Variants in STIM2 observed in about 807,000 individuals in gnomAD.
STIM2 encodes stromal interaction molecule 2.
In STIM2, 31 loss-of-function variants were observed where a neutral mutation model predicts 85.8. The observed-to-expected ratio is 0.36, with a 90% confidence interval of 0.27 to 0.49. The LOEUF (loss-of-function observed/expected upper bound fraction) is 0.49. Ranked by LOEUF, STIM2 falls within the 20% of genes least tolerant of loss-of-function variation. STIM2 has a pLI of 0.98. For synonymous variants in STIM2, 356 were observed against 331.1 expected (o/e 1.08, Z -0.82); for missense variants, 841 against 927.6 (o/e 0.91, Z 1.21).
intron 5 of STIM2, among the ~76,000 whole-genome samples, chr4:27,000,537 C>T (rs1021825443): frequency 6.6e-6 from 1 of 152,116 alleles, no homozygotes; most frequent in Non-Finnish European, 1.5e-5. Context: ...GAATTTGTTT[C>T]TATTTACAAC....
At chr4:26,862,518 G>A (rs1722256592) in intron 1 of STIM2, among the ~76,000 whole-genome samples, 3 of 152,128 alleles carry the variant, frequency 2.0e-5, no homozygotes, top group East Asian at 1.9e-4. Context: ...TTAAAGCCAA[G>A]CAGTTTCTCT....
chr4:26,919,408 A>G, intron 1 of STIM2, 96 bp from the exon 2 acceptor site: 1 of 1,518,408 alleles, frequency 6.6e-7, no homozygotes, highest in Non-Finnish European at 8.9e-7. Flanking sequence ...CTTAGTCTGA[A>G]GTTTAATTCT....
At chr4:26,870,740 G>C (rs28489605) in intron 1 of STIM2, among the ~76,000 whole-genome samples, 9,894 of 152,116 alleles carry the variant, frequency 0.065, 906 homozygotes, top group African/African-American at 0.21. Flanking sequence ...ATTCACCCTA[G>C]CTTGTAGTCT....
chr4:26,892,633 G>T (rs1723538140), intron 1 of STIM2, among the ~76,000 whole-genome samples: 1 of 152,186 alleles, frequency 6.6e-6, no homozygotes, highest in Non-Finnish European at 1.5e-5. Flanking sequence ...TAGAGTAATT[G>T]CAGTTTCTTG....
At chr4:26,916,533 G>A (rs1158538351) in intron 1 of STIM2, among the ~76,000 whole-genome samples, 4 of 152,154 alleles carry the variant, frequency 2.6e-5, no homozygotes, top group Admixed American at 6.5e-5. Context: ...GATTTTAAAT[G>A]AATCTGATTG....
At chr4:26,887,799 T>G (rs1369388591) in intron 1 of STIM2, among the ~76,000 whole-genome samples, 1 of 152,150 alleles carries the variant, frequency 6.6e-6, no homozygotes, top group African/African-American at 2.4e-5. Flanking sequence ...AAGATGTAAC[T>G]TAAAATAATT....
At chr4:26,896,155 G>C (rs1366230916) in intron 1 of STIM2, among the ~76,000 whole-genome samples, 2 of 152,202 alleles carry the variant, frequency 1.3e-5, no homozygotes, top group Admixed American at 6.5e-5. Context: ...ATAGCCTGTT[G>C]TTGCCTGATA....
chr4:26,888,712 TG>T (rs1279810545), intron 1 of STIM2, among the ~76,000 whole-genome samples: 1 of 152,196 alleles, frequency 6.6e-6, no homozygotes, highest in Non-Finnish European at 1.5e-5. Context: ...GTCCTTAAAT[TG>T]GGTTATTGTA....
rs1457581483 is a variant in STIM2, at chr4:26,919,640, T to C, written c.282+6T>C. The C allele has an allele frequency of 3.1e-6, 5 of 1,613,080 alleles. No homozygotes were observed. The highest frequency in any genetic ancestry group is 3.4e-6 in the Non-Finnish European group (4 of 1,179,486). On this transcript the variant is annotated splice_donor_region_variant and intron_variant, in intron 2 of 11. Transcript: ENST00000467087. Reference sequence around the variant, plus strand: ...AAGTAGAGGAAAGTGATGAAGTAGGTGGAAAAATGTTTTCCTTGCTATTGT... The same window carrying C: ...AAGTAGAGGAAAGTGATGAAGTAGGCGGAAAAATGTTTTCCTTGCTATTGT...
chr4:26,990,370 T>C (rs1312104721), intron 3 of STIM2, among the ~76,000 whole-genome samples: 2 of 152,132 alleles, frequency 1.3e-5, no homozygotes, highest in Admixed American at 6.5e-5. Context: ...ATGGTCTGTT[T>C]AATAAATGGT....
At chr4:27,021,022 G>A (rs758886471) in intron 11 of STIM2, 88 of 1,535,258 alleles carry the variant, frequency 5.7e-5, no homozygotes, top group Middle Eastern at 3.3e-4. Context: ...GGCTCGGTGC[G>A]TGCAAAAGTG....
chr4:26,884,095 T>C (rs959681007), intron 1 of STIM2, among the ~76,000 whole-genome samples: 1 of 152,216 alleles, frequency 6.6e-6, no homozygotes, highest in African/African-American at 2.4e-5. Flanking sequence ...AAGAAGGTGC[T>C]CACTGTAGAA....
intron 2 of STIM2, among the ~76,000 whole-genome samples, chr4:26,934,913 C>CAAAAAAAAAAAAAAAAAAAAAAAAAAA (rs1160656482): frequency 3.5e-5 from 2 of 57,606 alleles, no homozygotes; most frequent in Non-Finnish European, 7.0e-5. Flanking sequence ...AACTCCATCT[C>CAAAAAAAAAAAAAAAAAAAAAAAAAAA]AAAAAAAAAA....
intron 2 of STIM2, among the ~76,000 whole-genome samples, chr4:26,946,253 T>G (rs1351240744): frequency 6.6e-6 from 1 of 152,228 alleles, no homozygotes; most frequent in African/African-American, 2.4e-5. Context: ...AACTCAATTC[T>G]GACCTTTCAC....
intron 2 of STIM2, among the ~76,000 whole-genome samples, chr4:26,957,383 AG>A (rs1174483392): frequency 1.3e-5 from 2 of 152,130 alleles, no homozygotes; most frequent in Non-Finnish European, 2.9e-5. Flanking sequence ...ACATTGACTA[AG>A]TACTTCTACT....
Position 27,008,472 on chromosome 4 carries a change from G to A in STIM2, c.1194G>A (p.Leu398=). The A allele has an allele frequency of 6.2e-7, 1 of 1,604,582 alleles. No individual in the cohort carries two copies. The highest frequency in any genetic ancestry group is 1.1e-5 in the South Asian group (1 of 88,152). Reference sequence around the variant, plus strand: ...AGAGAAGCACAGTCTTTGGGACTCTGCACGTTGCACACAGCTCCTCCCTAG... The same window carrying A: ...AGAGAAGCACAGTCTTTGGGACTCTACACGTTGCACACAGCTCCTCCCTAG... The change falls in exon 9 of 12, where the codon CTG becomes CTA. Residue 398 remains leucine (L), a synonymous_variant. Transcript: ENST00000467087.
intron 10 of STIM2, among the ~76,000 whole-genome samples, chr4:27,015,789 G>GTT (rs5856964): frequency 3.1e-4 from 41 of 131,802 alleles, no homozygotes; most frequent in Non-Finnish European, 3.3e-5. Flanking sequence ...GATTTAAACA[G>GTT]TTTTTTTTTT....
intron 3 of STIM2, among the ~76,000 whole-genome samples, chr4:26,978,626 G>C (rs1265664599): frequency 6.6e-6 from 1 of 152,122 alleles, no homozygotes; most frequent in Admixed American, 6.6e-5. Context: ...AGAAATGCCA[G>C]AAAGTAACTG....
At chr4:26,942,121 T>C (rs1364474002) in intron 2 of STIM2, among the ~76,000 whole-genome samples, 1 of 151,088 alleles carries the variant, frequency 6.6e-6, no homozygotes, top group Non-Finnish European at 1.5e-5. Flanking sequence ...GGTTGGGAAG[T>C]TTTTTTCTCT....
Sources: gnomAD v4.1 joint callset for allele counts (sites outside exome capture counted in the v4.1 genomes callset) on GRCh38, gnomAD v4.1.1 for gene constraint, MANE v1.5 for transcripts, NCBI Gene and HGNC (gene_info 2026-07-23, HGNC 2026-07-21) for gene names.